Variants in SLC14A2 observed in about 807,000 individuals in gnomAD.
SLC14A2 encodes the protein urea transporter 2.
In SLC14A2, 91 loss-of-function variants were observed where a neutral mutation model predicts 104.6. The observed-to-expected ratio is 0.87, with a 90% CI of 0.73 to 1.04. The LOEUF (loss-of-function observed/expected upper bound fraction) is 1.04, where lower values mean the gene tolerates loss of function less well. Ranked by LOEUF, SLC14A2 falls within the 50% of genes least tolerant of loss-of-function variation. The probability of loss-of-function intolerance (pLI) is 0.00; values close to 1 mark genes in which losing one functional copy is unlikely to be tolerated. For synonymous variants in SLC14A2, 476 were observed against 466.4 expected (o/e 1.02, Z -0.27); for missense variants, 1,189 against 1,156.0 (o/e 1.03, Z -0.41).
chr18:45,399,242 C>T (rs2086069205), intron 1 of SLC14A2, among the ~76,000 whole-genome samples: 1 of 152,184 alleles, frequency 6.6e-6, no homozygotes, highest in Non-Finnish European at 1.5e-5. Context: ...CCTGGTAGAG[C>T]AAACTACCAT....
intron 2 of SLC14A2, among the ~76,000 whole-genome samples, chr18:45,541,380 C>A (rs1378612416): frequency 1.3e-5 from 2 of 152,214 alleles, no homozygotes; most frequent in African/African-American, 2.4e-5. Flanking sequence ...ATCTGGCCAG[C>A]CTAGAGACAG....
chr18:45,398,773 C>T (rs1301999516), intron 1 of SLC14A2, among the ~76,000 whole-genome samples: 18 of 151,974 alleles, frequency 1.2e-4, no homozygotes, highest in Non-Finnish European at 1.6e-4. Context: ...ACTTAGAGCA[C>T]GCAAACTCAC....
At chr18:45,487,910 G>T (rs1344248558) in intron 2 of SLC14A2, among the ~76,000 whole-genome samples, 1 of 152,168 alleles carries the variant, frequency 6.6e-6, no homozygotes, top group Non-Finnish European at 1.5e-5. Context: ...CTTCTCCGAG[G>T]TCAACTCCCA....
At chr18:45,634,798 C>A in intron 5 of SLC14A2, 1 of 457,052 alleles carries the variant, frequency 2.2e-6, no homozygotes, top group South Asian at 1.5e-5. Context: ...TGGTTTAAAT[C>A]TAAACAAATC....
chr18:45,579,321 T>C (rs1025976976), intron 2 of SLC14A2, among the ~76,000 whole-genome samples: 7 of 152,134 alleles, frequency 4.6e-5, no homozygotes, highest in African/African-American at 1.7e-4. Flanking sequence ...GTTATGAAGA[T>C]CAAATGAGAT....
At chr18:45,619,450 A>T (rs2045128589) in intron 1 of SLC14A2, among the ~76,000 whole-genome samples, 1 of 152,220 alleles carries the variant, frequency 6.6e-6, no homozygotes, top group South Asian at 2.1e-4. Flanking sequence ...TTCAACAAGG[A>T]GGGTTCTTAC....
chr18:45,404,603 C>T (rs2086133247), intron 1 of SLC14A2, among the ~76,000 whole-genome samples: 1 of 152,126 alleles, frequency 6.6e-6, no homozygotes, highest in Admixed American at 6.5e-5. Flanking sequence ...AGGCACATAC[C>T]CCCATCGCTA....
At chr18:45,353,949 G>T (rs1454020650) in intron 1 of SLC14A2, among the ~76,000 whole-genome samples, 1 of 152,092 alleles carries the variant, frequency 6.6e-6, no homozygotes, top group Non-Finnish European at 1.5e-5. Flanking sequence ...AGATGTATGG[G>T]GACTCTTCCA....
At chr18:45,298,865 C>T (rs564472876) in intron 1 of SLC14A2, among the ~76,000 whole-genome samples, 2 of 152,168 alleles carry the variant, frequency 1.3e-5, no homozygotes, top group South Asian at 4.2e-4. Context: ...ATGACAATGA[C>T]ATCTTTCTCA....
chr18:45,656,253 G>T (rs1272139496), intron 10 of SLC14A2, among the ~76,000 whole-genome samples: 1 of 152,222 alleles, frequency 6.6e-6, no homozygotes, highest in Admixed American at 6.5e-5. Context: ...CATGGAGGAA[G>T]TAGAACACAA....
At chr18:45,323,215 G>A (rs1394441493) in intron 1 of SLC14A2, among the ~76,000 whole-genome samples, 2 of 152,146 alleles carry the variant, frequency 1.3e-5, no homozygotes, top group Non-Finnish European at 2.9e-5. Context: ...AACACATTGA[G>A]ACTGTTGGAA....
intron 2 of SLC14A2, among the ~76,000 whole-genome samples, chr18:45,567,638 AG>A (rs1266341897): frequency 1.3e-5 from 2 of 152,142 alleles, no homozygotes; most frequent in African/African-American, 4.8e-5. Context: ...GGGGAGTGTG[AG>A]GAAGGCAGAA....
upstream of SLC14A2, among the ~76,000 whole-genome samples, chr18:45,613,041 T>G (rs1286424596): frequency 2.7e-5 from 4 of 148,594 alleles, no homozygotes; most frequent in Admixed American, 2.7e-4. Flanking sequence ...AGTTTTTTTT[T>G]GTTGTTGTTT....
chr18:45,650,989 G>A (rs1481860277), intron 10 of SLC14A2, among the ~76,000 whole-genome samples: 1 of 151,960 alleles, frequency 6.6e-6, no homozygotes, highest in Admixed American at 6.6e-5. Flanking sequence ...CTGATCTTCT[G>A]TTTAAAAAGT....
intron 18 of SLC14A2, among the ~76,000 whole-genome samples, chr18:45,676,377 A>T (rs2046229974): frequency 6.6e-6 from 1 of 152,230 alleles, no homozygotes. Flanking sequence ...GGACAAGGAC[A>T]TCTAGGATAC....
At chr18:45,311,458 A>G (rs900169897) in intron 1 of SLC14A2, among the ~76,000 whole-genome samples, 3 of 152,242 alleles carry the variant, frequency 2.0e-5, no homozygotes, top group Non-Finnish European at 4.4e-5. Context: ...TTCCCATGGC[A>G]GAGCCAATCT....
chr18:45,282,644 G>A (rs1023572595), intron 1 of SLC14A2, among the ~76,000 whole-genome samples: 5 of 152,176 alleles, frequency 3.3e-5, no homozygotes, highest in Non-Finnish European at 5.9e-5. Flanking sequence ...ACATCTAGGA[G>A]ACACCACCCT....
At chr18:45,506,596 G>C (rs930152643) in intron 2 of SLC14A2, among the ~76,000 whole-genome samples, 3 of 152,202 alleles carry the variant, frequency 2.0e-5, no homozygotes, top group Non-Finnish European at 4.4e-5. Context: ...GGCATGTGAA[G>C]ACAGGCAGAA....
intron 1 of SLC14A2, among the ~76,000 whole-genome samples, chr18:45,404,140 A>G (rs2086127474): frequency 6.6e-6 from 1 of 152,120 alleles, no homozygotes; most frequent in African/African-American, 2.4e-5. Flanking sequence ...CTGGGCTCCC[A>G]TTGCTTTCCA....
Sources: allele counts gnomAD v4.1 joint callset (sites outside exome capture counted in the v4.1 genomes callset), GRCh38; gene constraint gnomAD v4.1.1; transcripts MANE v1.5; gene names NCBI Gene and HGNC (gene_info 2026-07-23, HGNC 2026-07-21).